Variants in TCF12 observed in about 807,000 individuals in gnomAD.
The protein encoded by TCF12 is transcription factor 12.
Under a neutral mutation model 86.0 loss-of-function variants are expected in TCF12, and 45 were observed. The observed-to-expected ratio is 0.52, with a 90% CI of 0.41 to 0.67. TCF12 has a LOEUF of 0.67. Ranked by LOEUF, TCF12 falls within the 30% of genes least tolerant of loss-of-function variation. The pLI is 0.00. For synonymous variants in TCF12, 330 were observed against 299.6 expected (o/e 1.10, Z -1.05); for missense variants, 881 against 859.9 (o/e 1.02, Z -0.31).
At chr15:57,092,485 G>A (rs1430417826) in intron 5 of TCF12, among the ~76,000 whole-genome samples, 1 of 152,102 alleles carries the variant, frequency 6.6e-6, no homozygotes, top group Non-Finnish European at 1.5e-5. Context: ...AACCTTTGTG[G>A]TTAATCATGC....
Position 56,919,997 on chromosome 15 carries a change from G to A in TCF12, c.75+9G>A. ...TACTGGACTTCAGTGCGGTATGAGA[G>A]CTTTCCATGGCATCTTGGGGTTCTG... On this transcript the variant is annotated intron_variant, in intron 2 of 20. Coordinates refer to ENST00000333725, the MANE Select transcript of TCF12 (RefSeq NM_207037.2). 2 of 1,613,872 alleles carry A rather than the reference G, an allele frequency of 1.2e-6. No individual in the cohort carries two copies. Among genetic ancestry groups the A allele is most frequent in the Non-Finnish European group, 8.5e-7 (1 of 1,179,868 alleles).
intron 3 of TCF12, among the ~76,000 whole-genome samples, chr15:56,971,332 A>G (rs985637728): frequency 1.3e-5 from 2 of 151,958 alleles, no homozygotes; most frequent in Non-Finnish European, 2.9e-5. Context: ...GGAGGCTGAG[A>G]TAGAGAATCG....
chr15:57,093,224 A>G (rs1237666247), intron 5 of TCF12, among the ~76,000 whole-genome samples: 1 of 152,190 alleles, frequency 6.6e-6, no homozygotes, highest in Non-Finnish European at 1.5e-5. Flanking sequence ...GCTAGGGAAA[A>G]CTTTCTAATT....
chr15:57,164,927 C>G (rs574147760), intron 5 of TCF12, among the ~76,000 whole-genome samples: 1 of 152,268 alleles, frequency 6.6e-6, no homozygotes, highest in Middle Eastern at 3.4e-3. Context: ...GTTATCCGCC[C>G]GCCTCGGCCT....
intron 8 of TCF12, among the ~76,000 whole-genome samples, chr15:57,217,065 G>A (rs1196941719): frequency 6.6e-6 from 1 of 151,954 alleles, no homozygotes; most frequent in East Asian, 1.9e-4. Context: ...AAGTGACTAC[G>A]GTTTGTATTG....
intron 3 of TCF12, among the ~76,000 whole-genome samples, chr15:56,944,276 T>G (rs1418612640): frequency 6.6e-6 from 1 of 152,206 alleles, no homozygotes; most frequent in Non-Finnish European, 1.5e-5. Context: ...GTGAAAATAC[T>G]TTGTAAAACC....
chr15:57,033,163 C>A (rs546515154), intron 3 of TCF12, among the ~76,000 whole-genome samples: 19 of 152,196 alleles, frequency 1.2e-4, no homozygotes, highest in African/African-American at 3.9e-4. Flanking sequence ...TTTAGAGCTT[C>A]AGAGAACTGT....
chr15:57,163,432 G>T (rs991495474), intron 5 of TCF12, among the ~76,000 whole-genome samples: 1 of 152,168 alleles, frequency 6.6e-6, no homozygotes, highest in Non-Finnish European at 1.5e-5. Flanking sequence ...CACCGTGGTA[G>T]CTCATACCTG....
At chr15:56,989,852 C>A (rs546125283) in intron 3 of TCF12, among the ~76,000 whole-genome samples, 13 of 152,276 alleles carry the variant, frequency 8.5e-5, no homozygotes, top group Middle Eastern at 3.4e-3. Flanking sequence ...GGTGTTGGAC[C>A]TGCCTAAAGT....
chr15:57,049,000 T>C (rs1170271998), intron 3 of TCF12, among the ~76,000 whole-genome samples: 1 of 152,154 alleles, frequency 6.6e-6, no homozygotes, highest in Non-Finnish European at 1.5e-5. Flanking sequence ...TCACCAAAGT[T>C]GCTTTTCAAG....
intron 19 of TCF12, among the ~76,000 whole-genome samples, chr15:57,277,756 CAGTT>C (rs2061471917): frequency 6.6e-6 from 1 of 151,304 alleles, no homozygotes. Context: ...GCCTGAGCAA[CAGTT>C]AGGCCGCATC....
chr15:57,059,872 A>G (rs1430074683), intron 3 of TCF12, among the ~76,000 whole-genome samples: 1 of 151,886 alleles, frequency 6.6e-6, no homozygotes, highest in Non-Finnish European at 1.5e-5. Context: ...AGATGCCCAT[A>G]GGACTCTGGT....
chr15:56,944,981 CTT>C (rs1310263608), intron 3 of TCF12, among the ~76,000 whole-genome samples: 1 of 152,104 alleles, frequency 6.6e-6, no homozygotes, highest in African/African-American at 2.4e-5. Context: ...GAACATATCT[CTT>C]ATCTATTTAG....
chr15:57,276,147 G>C (rs1245164493), intron 19 of TCF12, among the ~76,000 whole-genome samples: 1 of 152,192 alleles, frequency 6.6e-6, no homozygotes, highest in Admixed American at 6.5e-5. Context: ...ATAATTTAGT[G>C]ATGAGAGAAC....
At chr15:57,119,813 A>G (rs1159558799) in intron 5 of TCF12, among the ~76,000 whole-genome samples, 1 of 152,110 alleles carries the variant, frequency 6.6e-6, no homozygotes, top group East Asian at 1.9e-4. Flanking sequence ...AAGCTTTCCC[A>G]TAGTACTTTA....
At chr15:57,147,266 A>G (rs1476299182) in intron 5 of TCF12, among the ~76,000 whole-genome samples, 1 of 152,242 alleles carries the variant, frequency 6.6e-6, no homozygotes, top group Non-Finnish European at 1.5e-5. Context: ...TATTACTTCT[A>G]GAAAGTTTAA....
At chr15:57,095,653 A>G (rs746513931) in intron 5 of TCF12, among the ~76,000 whole-genome samples, 3 of 152,016 alleles carry the variant, frequency 2.0e-5, no homozygotes, top group Non-Finnish European at 2.9e-5. Context: ...GCCTCTAGAG[A>G]TGGTTTGTTA....
chr15:57,196,294 A>G (rs1477269602), intron 7 of TCF12, among the ~76,000 whole-genome samples: 1 of 152,200 alleles, frequency 6.6e-6, no homozygotes, highest in Non-Finnish European at 1.5e-5. Flanking sequence ...ATTAGGTATT[A>G]TACATAATAA....
intron 3 of TCF12, among the ~76,000 whole-genome samples, chr15:57,025,704 T>C (rs1181411568): frequency 1.3e-5 from 2 of 152,222 alleles, no homozygotes; most frequent in Non-Finnish European, 2.9e-5. Flanking sequence ...TGTTTTTATT[T>C]ATAAAAGTAA....
Sources: allele counts gnomAD v4.1 joint callset (sites outside exome capture counted in the v4.1 genomes callset), GRCh38; gene constraint gnomAD v4.1.1; transcripts MANE v1.5; gene names NCBI Gene and HGNC (gene_info 2026-07-23, HGNC 2026-07-21).